The following BLTP1 variants were observed in gnomAD, a reference collection of about 807,000 sequenced individuals.
The protein encoded by BLTP1 is fragile site-associated protein.
the BLTP1 span, chr4:122,196,745 A>G: frequency 6.2e-7 from 1 of 1,609,196 alleles, no homozygotes; most frequent in Non-Finnish European, 8.5e-7. Context: ...TTACGAATGA[A>G]TATTATTGCA....
chr4:122,336,987 C>T, the BLTP1 span: 1 of 1,611,514 alleles, frequency 6.2e-7, no homozygotes, highest in Non-Finnish European at 8.5e-7. Flanking sequence ...ACTCTTCCTT[C>T]CCTGTAGATG....
the BLTP1 span, among the ~76,000 whole-genome samples, chr4:122,177,743 G>C: frequency 6.6e-6 from 1 of 152,040 alleles, no homozygotes; most frequent in Non-Finnish European, 1.5e-5. Flanking sequence ...TTATTTGCTT[G>C]GTGGTTCTGG....
chr4:122,330,451 G>C, the BLTP1 span, among the ~76,000 whole-genome samples: 1 of 150,826 alleles, frequency 6.6e-6, no homozygotes, highest in Non-Finnish European at 1.5e-5. Context: ...TTTCATTGTG[G>C]TTTTGGTTTG....
At chr4:122,291,307 C>T in the BLTP1 span, among the ~76,000 whole-genome samples, 547 of 152,268 alleles carry the variant, frequency 3.6e-3, 12 homozygotes, top group Admixed American at 0.03. Context: ...GGCCTGATGG[C>T]GCATAGGCAT....
At chr4:122,226,134 C>G in the BLTP1 span, 1 of 150,656 alleles carries the variant, frequency 6.6e-6, no homozygotes, top group African/African-American at 2.4e-5. Context: ...GGGATAATGT[C>G]ATGTGTATCT....
At chr4:122,327,968 A>G in the BLTP1 span, 2 of 640,092 alleles carry the variant, frequency 3.1e-6, no homozygotes, top group Non-Finnish European at 4.7e-6. Flanking sequence ...TCATATGTTC[A>G]TGAATCTGAC....
chr4:122,264,478 C>G, the BLTP1 span: 1 of 1,466,592 alleles, frequency 6.8e-7, no homozygotes, highest in South Asian at 1.5e-5. Context: ...TTAGGCATTG[C>G]TTAGCAACTG....
At chr4:122,301,183 C>T in the BLTP1 span, 12 of 1,199,554 alleles carry the variant, frequency 1.0e-5, no homozygotes, top group East Asian at 3.4e-4. Context: ...AGCTAAAGAT[C>T]TCTGTATCAG....
chr4:122,337,428 T>G, the BLTP1 span, among the ~76,000 whole-genome samples: 5 of 152,086 alleles, frequency 3.3e-5, no homozygotes, highest in Admixed American at 3.3e-4. Context: ...TATTGAATGT[T>G]GTACTGAAAG....
At chr4:122,280,767 G>A in the BLTP1 span, among the ~76,000 whole-genome samples, 376 of 151,554 alleles carry the variant, frequency 2.5e-3, 1 homozygote, top group Middle Eastern at 0.014. Context: ...TCTTTTGAAG[G>A]TGCCTCAAAG....
the BLTP1 span, chr4:122,162,723 T>G: frequency 1.1e-6 from 1 of 878,686 alleles, no homozygotes; most frequent in Non-Finnish European, 1.3e-6. Flanking sequence ...AATGGGGTTA[T>G]AACAACAACA....
chr4:122,169,739 G>T, the BLTP1 span: 7 of 984,116 alleles, frequency 7.1e-6, no homozygotes, highest in Admixed American at 1.2e-4. Context: ...ACAAATATTT[G>T]TCAGAAGTTG....
the BLTP1 span, among the ~76,000 whole-genome samples, chr4:122,191,810 G>T: frequency 3.3e-5 from 5 of 151,964 alleles, no homozygotes; most frequent in African/African-American, 9.7e-5. Context: ...ATTGAATGCC[G>T]AAACAGCTAT....
chr4:122,170,887 T>C, the BLTP1 span: 1 of 563,954 alleles, frequency 1.8e-6, no homozygotes, highest in African/African-American at 2.0e-5. Flanking sequence ...TATTTATATT[T>C]CTTGAACATT....
At chr4:122,167,288 G>C in the BLTP1 span, among the ~76,000 whole-genome samples, 1 of 152,024 alleles carries the variant, frequency 6.6e-6, no homozygotes, top group Non-Finnish European at 1.5e-5. Context: ...ATCTCAAACA[G>C]TGAGACATTG....
the BLTP1 span, chr4:122,207,621 ACCAAGTT>A: frequency 2.5e-6 from 4 of 1,605,272 alleles, no homozygotes; most frequent in Non-Finnish European, 3.4e-6. Context: ...TACATGTAAT[ACCAAGTT>A]CTCTTTAAGA....
the BLTP1 span, chr4:122,267,655 G>C: frequency 3.1e-5 from 30 of 967,894 alleles, no homozygotes; most frequent in Admixed American, 4.3e-4. Flanking sequence ...TGAGAGTCTA[G>C]CCATCAGAAA....
the BLTP1 span, among the ~76,000 whole-genome samples, chr4:122,157,013 G>C: frequency 5.3e-5 from 8 of 152,192 alleles, no homozygotes; most frequent in African/African-American, 1.9e-4. Flanking sequence ...CTTGTAATCA[G>C]TAGCCTTCTT....
chr4:122,355,849 G>A, the BLTP1 span: 3 of 1,612,628 alleles, frequency 1.9e-6, no homozygotes, highest in Non-Finnish European at 2.5e-6. Context: ...TAGCACTACT[G>A]TGAAGAATTC....
Sources: allele counts gnomAD v4.1 joint callset (sites outside exome capture counted in the v4.1 genomes callset), GRCh38; gene constraint gnomAD v4.1.1; transcripts MANE v1.5; gene names NCBI Gene and HGNC (gene_info 2026-07-23, HGNC 2026-07-21).